ST6GAL1: variants seen among roughly 807,000 people sequenced by gnomAD.
The protein encoded by ST6GAL1 is ST6 beta-galactoside alpha-2,6-sialyltransferase 1.
A neutral mutation model predicts 38.0 loss-of-function variants in ST6GAL1; 20 were observed. The ratio of observed to expected loss-of-function variants is 0.53; its 90% CI spans 0.37 to 0.77. ST6GAL1 has a LOEUF of 0.77. Ranked by LOEUF, ST6GAL1 falls within the 30% of genes least tolerant of loss-of-function variation. ST6GAL1 has a pLI of 0.00. For missense variants in ST6GAL1, 432 were observed against 496.4 expected (o/e 0.87, Z 1.23); for synonymous variants, 196 against 188.2 (o/e 1.04, Z -0.34).
chr3:186,964,174 G>T (rs1715019275), intron 2 of ST6GAL1: 1 of 152,174 alleles, frequency 6.6e-6, no homozygotes, highest in Non-Finnish European at 1.5e-5. Context: ...GGTGAAATTT[G>T]AATTCCCAAG....
At chr3:186,997,088 A>G (rs1716438410) in intron 2 of ST6GAL1, among the ~76,000 whole-genome samples, 1 of 151,878 alleles carries the variant, frequency 6.6e-6, no homozygotes, top group South Asian at 2.1e-4. Flanking sequence ...GTTTTTAGAG[A>G]CATGAGACAT....
At position 187,043,075 on chromosome 3, in the gene ST6GAL1, G is replaced by A. The variant is rs759937075; in HGVS notation, c.372G>A (p.Val124=). The part of the protein sequence containing the change: ...KNYLSMNKYK[V]SYKGPGPGIK... ...ACCTAAGCATGAACAAGTACAAAGT[G>A]TCCTACAAGGGGCCAGGACCAGGCA... Residue 124 remains valine (V), a synonymous_variant, in exon 4 of 8, where the codon GTG becomes GTA. Coordinates refer to ENST00000169298, the MANE Select transcript of ST6GAL1 (RefSeq NM_173216.2). 1.2e-6 allele frequency: 2 copies of A among 1,614,212 alleles called. No homozygotes were observed. Among genetic ancestry groups the A allele is most frequent in the South Asian group, 2.2e-5 (2 of 91,088 alleles).
intron 2 of ST6GAL1, among the ~76,000 whole-genome samples, chr3:186,972,366 A>G (rs1393652147): frequency 1.3e-5 from 2 of 151,860 alleles, no homozygotes; most frequent in African/African-American, 4.8e-5. Flanking sequence ...CTCATGTCTC[A>G]GCCTCCCAAG....
intron 6 of ST6GAL1, 124 bp from the exon 7 acceptor site, chr3:187,074,035 G>A (rs1182209431): frequency 8.2e-6 from 7 of 850,252 alleles, no homozygotes; most frequent in Middle Eastern, 2.4e-4. Context: ...GAAAAGGGCT[G>A]TGCCTCAGGA....
At chr3:186,987,593 A>T (rs78788440) in intron 2 of ST6GAL1, among the ~76,000 whole-genome samples, 2,247 of 152,360 alleles carry the variant, frequency 0.015, 51 homozygotes, top group African/African-American at 0.05. Context: ...GGTTGAACGA[A>T]TTACCTGAGG....
At chr3:187,003,890 A>G (rs1329403395) in intron 2 of ST6GAL1, among the ~76,000 whole-genome samples, 3 of 152,114 alleles carry the variant, frequency 2.0e-5, no homozygotes, top group African/African-American at 7.2e-5. Flanking sequence ...GAGACAGAAG[A>G]GCTATTATTT....
intron 2 of ST6GAL1, among the ~76,000 whole-genome samples, chr3:187,018,146 C>T (rs1717177943): frequency 6.6e-6 from 1 of 152,096 alleles, no homozygotes; most frequent in African/African-American, 2.4e-5. Flanking sequence ...AGGCTGGTAT[C>T]TGTTTGATCT....
chr3:186,932,611 C>T (rs1045991388), intron 1 of ST6GAL1, among the ~76,000 whole-genome samples: 2 of 152,316 alleles, frequency 1.3e-5, no homozygotes, highest in South Asian at 4.1e-4. Flanking sequence ...GATGTTTTGC[C>T]TCTCATCCTT....
intron 1 of ST6GAL1, among the ~76,000 whole-genome samples, chr3:186,957,869 A>G (rs1714798937): frequency 6.6e-6 from 1 of 152,162 alleles, no homozygotes; most frequent in African/African-American, 2.4e-5. Context: ...ATTTTCAGGT[A>G]TGAGAAGTCT....
chr3:187,020,976 T>C (rs1717277206), intron 2 of ST6GAL1, among the ~76,000 whole-genome samples: 1 of 151,962 alleles, frequency 6.6e-6, no homozygotes, highest in African/African-American at 2.4e-5. Context: ...TTTTTTTGTT[T>C]TTTTTTGAGA....
intron 1 of ST6GAL1, among the ~76,000 whole-genome samples, chr3:186,943,100 A>G (rs1225117903): frequency 6.6e-6 from 1 of 152,228 alleles, no homozygotes; most frequent in Non-Finnish European, 1.5e-5. Context: ...TAATTACAAT[A>G]TAGTGTGATA....
intron 2 of ST6GAL1, among the ~76,000 whole-genome samples, chr3:186,995,947 C>T (rs1291520861): frequency 1.3e-5 from 2 of 152,330 alleles, no homozygotes; most frequent in Admixed American, 6.5e-5. Flanking sequence ...TGTGGCTGCC[C>T]TGTCTCTGTA....
Position 187,011,289 on chromosome 3 carries a change from G to A in ST6GAL1, c.-182-27453G>A, listed in dbSNP as rs758468242. On this transcript the variant is annotated intron_variant, in intron 2 of 7. Coordinates refer to ENST00000169298, the MANE Select transcript of ST6GAL1 (RefSeq NM_173216.2). ...GCTGGGATTACAGGCGTGAGCCACC[G>A]TGCCCGGAGAAAAAGGATTTATTTT... Among the ~76,000 whole-genome samples the A allele has an allele frequency of 3.3e-5, 5 of 152,172 alleles. 1 individual carries two copies. Among genetic ancestry groups the A allele is most frequent in the South Asian group, 4.1e-4 (2 of 4,832 alleles).
At chr3:187,033,179 C>T (rs1264675984) in intron 2 of ST6GAL1, among the ~76,000 whole-genome samples, 1 of 152,130 alleles carries the variant, frequency 6.6e-6, no homozygotes, top group Non-Finnish European at 1.5e-5. Flanking sequence ...TTTGGGAGGC[C>T]GAAGTGGGTA....
At chr3:187,030,525 C>G (rs146510515) in intron 2 of ST6GAL1, among the ~76,000 whole-genome samples, 8,559 of 152,252 alleles carry the variant, frequency 0.056, 853 homozygotes, top group African/African-American at 0.19. Flanking sequence ...CCTCCGCCTC[C>G]CGGATTCAAG....
chr3:187,030,631 A>G (rs1411965837), intron 2 of ST6GAL1, among the ~76,000 whole-genome samples: 1 of 151,972 alleles, frequency 6.6e-6, no homozygotes, highest in Non-Finnish European at 1.5e-5. Context: ...ATGAGGTTTC[A>G]CCGTGTTGGC....
At chr3:187,020,962 T>G (rs952174981) in intron 2 of ST6GAL1, among the ~76,000 whole-genome samples, 17 of 62,070 alleles carry the variant, frequency 2.7e-4, no homozygotes, top group African/African-American at 3.9e-4. Flanking sequence ...GTATTGGTGG[T>G]TTTTTTTTTT....
chr3:186,938,180 T>A (rs1011244436), intron 1 of ST6GAL1, among the ~76,000 whole-genome samples: 1 of 152,240 alleles, frequency 6.6e-6, no homozygotes, highest in African/African-American at 2.4e-5. Flanking sequence ...GGGTTATACT[T>A]TAAAGGGTAT....
At chr3:186,991,566 C>T (rs1579302277) in intron 2 of ST6GAL1, among the ~76,000 whole-genome samples, 1 of 152,114 alleles carries the variant, frequency 6.6e-6, no homozygotes, top group Admixed American at 6.5e-5. Flanking sequence ...CTGGTTCCTC[C>T]CTGGATGGAC....
Sources: allele counts gnomAD v4.1 joint callset (sites outside exome capture counted in the v4.1 genomes callset), GRCh38; gene constraint gnomAD v4.1.1; transcripts MANE v1.5; gene names NCBI Gene and HGNC (gene_info 2026-07-23, HGNC 2026-07-21).